Variants in SLC2A5 observed in about 807,000 individuals in gnomAD.
The protein encoded by SLC2A5 is solute carrier family 2, facilitated glucose transporter member 5.
Under a neutral mutation model 50.3 loss-of-function variants are expected in SLC2A5, and 56 were observed. The observed-to-expected ratio is 1.11, with a 90% CI of 0.90 to 1.39. SLC2A5 has a LOEUF of 1.39. Among genes scored for constraint, SLC2A5 ranks in the 40% most tolerant of loss-of-function variants. The pLI is 0.00. For missense variants in SLC2A5, 566 were observed against 650.1 expected, an observed-to-expected ratio of 0.87 and a Z score of 1.41; for synonymous variants, 269 against 281.9, an observed-to-expected ratio of 0.95 and a Z score of 0.46.
chr1:9,086,686 T>A (rs936064405), intron 1 of SLC2A5, among the ~76,000 whole-genome samples: 1 of 152,130 alleles, frequency 6.6e-6, no homozygotes, highest in African/African-American at 2.4e-5. Flanking sequence ...CCACTGCACC[T>A]GGCTGAGGTT....
chr1:9,059,684 C>A (rs1641858325), intron 1 of SLC2A5, among the ~76,000 whole-genome samples: 1 of 151,628 alleles, frequency 6.6e-6, no homozygotes, highest in Non-Finnish European at 1.5e-5. Flanking sequence ...TGCATGCCAT[C>A]ATGCCTGGCT....
upstream of SLC2A5, among the ~76,000 whole-genome samples, chr1:9,070,080 T>TTTA (rs1642183934): frequency 1.5e-5 from 2 of 133,062 alleles, no homozygotes; most frequent in African/African-American, 3.0e-5. Flanking sequence ...CTGTTTTTTT[T>TTTA]TTTTTTTTTT....
Position 9,036,283 on chromosome 1 carries a change from C to A in SLC2A5, c.*1303G>T, listed in dbSNP as rs1441705978. 1.3e-5 allele frequency: 2 copies of A among 152,186 alleles called. No individual in the cohort carries two copies. Among genetic ancestry groups the A allele is most frequent in the African/African-American group, 4.8e-5 (2 of 41,428 alleles). The allele number at this position is 152,186 out of a possible 1,614,324, so 9.4% of individuals were successfully genotyped here. On this transcript the variant is annotated 3_prime_UTR_variant, in exon 12 of 12. Coordinates refer to ENST00000377424, the MANE Select transcript of SLC2A5 (RefSeq NM_003039.3). ...TGACCTCCCAGGCTCAAGCGATCCT[C>A]CCATTTCAGCCTCCCAAATAGCTGG...
At chr1:9,061,790 C>G (rs1641951586) in intron 1 of SLC2A5, among the ~76,000 whole-genome samples, 1 of 152,110 alleles carries the variant, frequency 6.6e-6, no homozygotes, top group Non-Finnish European at 1.5e-5. Context: ...CACAGCCCAG[C>G]TGGTGGAGCT....
chr1:9,053,127 T>TA lies in SLC2A5; in HGVS notation c.293+4320_293+4321insT, dbSNP rs1399071563. On this transcript the variant is annotated intron_variant, in intron 3 of 11. Coordinates refer to ENST00000377424, the MANE Select transcript of SLC2A5 (RefSeq NM_003039.3). ...ATATAATATATATTATATATTTATA[T>TA]TACATATATTTATATGTTAATATAT... Among the ~76,000 whole-genome samples, 31 of 108,634 alleles carry TA rather than the reference T, an allele frequency of 2.9e-4. 1 individual carries two copies. Among genetic ancestry groups the TA allele is most frequent in the East Asian group, 1.2e-3 (5 of 4,310 alleles). 71.3% of individuals were successfully genotyped at this position (108,634 alleles called of 152,430 possible).
rs35830189 is a variant in SLC2A5, at chr1:9,077,447, ACC to A, written c.-59+7565_-59+7566del. Among the ~76,000 whole-genome samples the A allele has an allele frequency of 4.2e-3, 604 of 144,946 alleles. 7 individuals carry two copies. Among genetic ancestry groups the A allele is most frequent in the Admixed American group, 0.028 (399 of 14,372 alleles). ...AAGAACACAAAAAAACAAAAAAAAAACCCCCAGAAAAGTCTGGACGCAGTGGC... is the reference window on the plus strand; with the variant it reads ...AAGAACACAAAAAAACAAAAAAAAAACCCAGAAAAGTCTGGACGCAGTGGC... On this transcript the variant is annotated intron_variant, in intron 2 of 5. Coordinates refer to the SLC2A5 transcript ENST00000464985.
chr1:9,042,573 C>CAT (rs34472751), intron 4 of SLC2A5, among the ~76,000 whole-genome samples: 36 of 135,548 alleles, frequency 2.7e-4, no homozygotes, highest in South Asian at 9.4e-4. Context: ...TGTGTGTGTA[C>CAT]ATATATATAT....
intron 3 of SLC2A5, among the ~76,000 whole-genome samples, chr1:9,048,576 T>C (rs932935985): frequency 1.3e-5 from 2 of 152,102 alleles, no homozygotes; most frequent in Non-Finnish European, 2.9e-5. Context: ...ATTATCTCAA[T>C]AGAAGCAGCA....
intron 1 of SLC2A5, 55 bp from the exon 2 acceptor site, chr1:9,058,305 C>G (rs894297918): frequency 8.4e-7 from 1 of 1,195,972 alleles, no homozygotes; most frequent in Non-Finnish European, 1.2e-6. Context: ...AGGGCCCTCC[C>G]GCTTTACTTC....
Position 9,057,615 on chromosome 1 carries a change from G to A in SLC2A5, c.133-7C>T. On this transcript the variant is annotated splice_polypyrimidine_tract_variant and splice_region_variant and intron_variant, in intron 2 of 11. Transcript: ENST00000377424. ...TGTAAAATTGTTGCATGAGCTAGGAGACAAAGCAAAACAGAACACCAAAAT... is the reference window on the plus strand; with the variant it reads ...TGTAAAATTGTTGCATGAGCTAGGAAACAAAGCAAAACAGAACACCAAAAT... 6.2e-7 allele frequency: 1 copy of A among 1,610,634 alleles called. No homozygotes were observed. Among genetic ancestry groups the A allele is most frequent in the Non-Finnish European group, 8.5e-7 (1 of 1,178,608 alleles).
chr1:9,037,667 G>A lies in SLC2A5; in HGVS notation c.1425C>T (p.Phe475=). 2 of 1,614,206 alleles carry A rather than the reference G, an allele frequency of 1.2e-6. No individual in the cohort carries two copies. Among genetic ancestry groups the A allele is most frequent in the Non-Finnish European group, 1.7e-6 (2 of 1,180,038 alleles). ...AKTFIEINQI[F]TKMNKVSEVY... Reference sequence around the variant, plus strand: ...CTTCAGACACCTTATTCATCTTGGTGAAAATCTGGTTGATCTCTATGAACG... The same window carrying A: ...CTTCAGACACCTTATTCATCTTGGTAAAAATCTGGTTGATCTCTATGAACG... Residue 475 remains phenylalanine (F), a synonymous_variant, in exon 12 of 12, where the codon TTC becomes TTT. Coordinates refer to ENST00000377424, the MANE Select transcript of SLC2A5 (RefSeq NM_003039.3).
intron 1 of SLC2A5, among the ~76,000 whole-genome samples, chr1:9,063,575 G>C (rs568329813): frequency 6.7e-6 from 1 of 150,016 alleles, no homozygotes; most frequent in East Asian, 2.0e-4. Context: ...GTTTCACCAT[G>C]TTGGCCAGGC....
intron 1 of SLC2A5, among the ~76,000 whole-genome samples, chr1:9,059,389 T>C (rs66930610): frequency 0.32 from 48,385 of 151,464 alleles, 8,397 homozygotes; most frequent in East Asian, 0.62. Flanking sequence ...GTGATCTGCC[T>C]GCCTTGGCCT....
intron 3 of SLC2A5, among the ~76,000 whole-genome samples, chr1:9,056,747 G>A (rs1641763513): frequency 6.6e-6 from 1 of 152,112 alleles, no homozygotes; most frequent in Admixed American, 6.6e-5. Context: ...AGAAATAGGG[G>A]CAAAGATACA....
intron 3 of SLC2A5, among the ~76,000 whole-genome samples, chr1:9,049,888 G>C (rs1160178377): frequency 1.3e-5 from 2 of 152,060 alleles, no homozygotes; most frequent in African/African-American, 4.8e-5. Context: ...CGTAATCTCA[G>C]CACTTTTGGA....
At chr1:9,053,977 A>C (rs1001512481) in intron 3 of SLC2A5, among the ~76,000 whole-genome samples, 2 of 152,102 alleles carry the variant, frequency 1.3e-5, no homozygotes, top group Non-Finnish European at 2.9e-5. Context: ...AAACGAATAA[A>C]TAGAACTTAT....
intron 7 of SLC2A5, 41 bp downstream of exon 7, chr1:9,039,759 C>T (rs995408895): frequency 2.1e-6 from 3 of 1,455,044 alleles, no homozygotes; most frequent in Non-Finnish European, 1.8e-6. Flanking sequence ...CCCGCGCCCC[C>T]CGAGCCCTCC....
At chr1:9,060,003 CACACACACACT>C (rs1368626165) in intron 1 of SLC2A5, among the ~76,000 whole-genome samples, 2 of 138,768 alleles carry the variant, frequency 1.4e-5, no homozygotes, top group African/African-American at 3.0e-5. Context: ...CACACACACA[CACACACACACT>C]ACACACACAC....
chr1:9,059,319 T>C (rs971193106), intron 1 of SLC2A5, among the ~76,000 whole-genome samples: 4 of 151,008 alleles, frequency 2.6e-5, no homozygotes, highest in East Asian at 3.9e-4. Context: ...ATTTTTTGTA[T>C]TTTTTAGTAG....
Sources: gnomAD v4.1 joint callset for allele counts (sites outside exome capture counted in the v4.1 genomes callset) on GRCh38, gnomAD v4.1.1 for gene constraint, MANE v1.5 for transcripts, NCBI Gene and HGNC (gene_info 2026-07-23, HGNC 2026-07-21) for gene names.